HIBCH: variants seen among roughly 807,000 people sequenced by gnomAD.
HIBCH encodes 3-hydroxyisobutyryl-CoA hydrolase.
Under a neutral mutation model 58.2 loss-of-function variants are expected in HIBCH, and 50 were observed. The ratio of observed to expected loss-of-function variants is 0.86; its 90% CI spans 0.68 to 1.09. HIBCH has a LOEUF of 1.09. Ranked by LOEUF, HIBCH falls within the 50% of genes least tolerant of loss-of-function variation. The pLI, the probability that HIBCH is intolerant of heterozygous loss-of-function variation, is 0.00. For synonymous variants in HIBCH, 151 were observed against 146.9 expected (o/e 1.03, Z -0.20); for missense variants, 450 against 449.7 (o/e 1.00, Z -0.01).
intron 11 of HIBCH, among the ~76,000 whole-genome samples, chr2:190,238,503 C>T (rs537478207): frequency 6.6e-6 from 1 of 152,248 alleles, no homozygotes; most frequent in East Asian, 1.9e-4. Context: ...TTGCTCTTGT[C>T]ACCCAGGCTG....
At chr2:190,262,778 C>T (rs1022788348) in intron 6 of HIBCH, among the ~76,000 whole-genome samples, 1 of 152,160 alleles carries the variant, frequency 6.6e-6, no homozygotes, top group Admixed American at 6.5e-5. Flanking sequence ...TCTTATATTA[C>T]ATAGAGTATG....
Position 190,236,846 on chromosome 2 carries a change from C to G in HIBCH, c.891+8041G>C, listed in dbSNP as rs1235208275. ...ACTACTATTTTATGTTTCCTAAATG[C>G]CAATGGTAGCATTTAAGGGTCGCTA... is the stretch of plus-strand genomic sequence containing the variant. On this transcript the variant is annotated intron_variant, in intron 11 of 13. Transcript: ENST00000359678. The surrounding 1 kb of genome is among the most constrained non-coding windows in gnomAD (Gnocchi z 4.1). Among the ~76,000 whole-genome samples, 1 of 152,084 alleles carries G rather than the reference C, an allele frequency of 6.6e-6. No homozygotes were observed. Among genetic ancestry groups the G allele is most frequent in the Non-Finnish European group, 1.5e-5 (1 of 67,986 alleles).
intron 6 of HIBCH, among the ~76,000 whole-genome samples, chr2:190,270,999 A>C (rs977165199): frequency 1.3e-5 from 2 of 152,072 alleles, no homozygotes; most frequent in Non-Finnish European, 2.9e-5. Flanking sequence ...GAGAGAAAAT[A>C]TTTAACTTAT....
intron 6 of HIBCH, among the ~76,000 whole-genome samples, chr2:190,264,294 T>A (rs1001000947): frequency 2.6e-5 from 4 of 151,458 alleles, no homozygotes; most frequent in African/African-American, 7.3e-5. Context: ...TTTTTTTTTT[T>A]AAACTCTCTT....
chr2:190,252,455 A>C, intron 7 of HIBCH, 148 bp from the exon 8 acceptor site: 1 of 716,718 alleles, frequency 1.4e-6, no homozygotes. Flanking sequence ...ATACACTGCA[A>C]TCAATATCAC....
At chr2:190,227,030 T>A (rs74437584) in intron 11 of HIBCH, among the ~76,000 whole-genome samples, 2,310 of 152,194 alleles carry the variant, frequency 0.015, 62 homozygotes, top group African/African-American at 0.051. Context: ...TTCAATGCCA[T>A]CCCCATCAAG....
At chr2:190,220,406 G>T (rs1685683902) in intron 11 of HIBCH, 1 of 152,104 alleles carries the variant, frequency 6.6e-6, no homozygotes, top group Non-Finnish European at 1.5e-5. Flanking sequence ...CACAGCAGTT[G>T]CCAGAGCTTT....
chr2:190,241,352 T>C (rs1390061029), intron 11 of HIBCH, among the ~76,000 whole-genome samples: 1 of 152,242 alleles, frequency 6.6e-6, no homozygotes, highest in Admixed American at 6.5e-5. Context: ...TTTGAACCTA[T>C]ATGTGTCTTT....
rs190989835 is a variant in HIBCH, at chr2:190,248,401, G to C, written c.750+1239C>G. On this transcript the variant is annotated intron_variant, in intron 9 of 13. Transcript: ENST00000359678. ...TGCAGCGGTTCTGCAAGCCAACTAGGGAAAAGGGACAGAGGTCTTCCAACT... is the reference window on the plus strand; with the variant it reads ...TGCAGCGGTTCTGCAAGCCAACTAGCGAAAAGGGACAGAGGTCTTCCAACT... Among the ~76,000 whole-genome samples the C allele has an allele frequency of 4.2e-3, 643 of 152,150 alleles. 2 individuals are homozygous for C. Among genetic ancestry groups the C allele is most frequent in the African/African-American group, 0.015 (629 of 41,490 alleles).
chr2:190,244,226 T>C (rs1341829530), intron 11 of HIBCH, among the ~76,000 whole-genome samples: 1 of 152,084 alleles, frequency 6.6e-6, no homozygotes, highest in African/African-American at 2.4e-5. Context: ...TAAGGAAACA[T>C]ACCTTTTCTT....
At chr2:190,194,396 A>AAAT (rs1336394204) in intron 1 of HIBCH, among the ~76,000 whole-genome samples, 2 of 151,540 alleles carry the variant, frequency 1.3e-5, no homozygotes, top group African/African-American at 4.9e-5. Context: ...TTTTTTAAAA[A>AAAT]AATAATAGAC....
At chr2:190,228,933 A>C (rs1458691577) in intron 11 of HIBCH, among the ~76,000 whole-genome samples, 1 of 152,202 alleles carries the variant, frequency 6.6e-6, no homozygotes, top group Non-Finnish European at 1.5e-5. Context: ...CAGAATTATA[A>C]TCACTGCCCT....
chr2:190,227,388 T>A (rs1294934426), intron 11 of HIBCH, among the ~76,000 whole-genome samples: 2 of 152,144 alleles, frequency 1.3e-5, no homozygotes, highest in African/African-American at 4.8e-5. Flanking sequence ...TGAAACTGGA[T>A]CCCTTCCTTA....
intron 13 of HIBCH, among the ~76,000 whole-genome samples, chr2:190,205,470 T>A (rs1055442340): frequency 1.3e-5 from 2 of 152,320 alleles, no homozygotes; most frequent in Admixed American, 6.5e-5. Flanking sequence ...ATGTCTTAGC[T>A]TTAATAAAGC....
In HIBCH at chr2:190,313,643, CA is replaced by C. The variant is rs546101154; in HGVS notation, c.36-2848del. On this transcript the variant is annotated intron_variant, in intron 1 of 13. Coordinates refer to ENST00000359678, the MANE Select transcript of HIBCH (RefSeq NM_014362.4). ...CTGGGTGACAAGAGACTCTGTCTCACAAAAAAAAAAAAAAAAAAAAAGGAAT... is the reference window on the plus strand; with the variant it reads ...CTGGGTGACAAGAGACTCTGTCTCACAAAAAAAAAAAAAAAAAAAAGGAAT... Among the ~76,000 whole-genome samples the C allele has an allele frequency of 5.7e-3, 451 of 78,872 alleles. 1 individual carries two copies. Among genetic ancestry groups the C allele is most frequent in the Middle Eastern group, 0.034 (4 of 116 alleles). 51.7% of individuals were successfully genotyped at this position (78,872 alleles called of 152,430 possible). A position where few individuals can be genotyped will look rare whatever the true frequency, so the allele number is the denominator to read the frequency against.
At chr2:190,310,230 T>C (rs1456778070) in intron 2 of HIBCH, among the ~76,000 whole-genome samples, 1 of 152,214 alleles carries the variant, frequency 6.6e-6, no homozygotes, top group Non-Finnish European at 1.5e-5. Flanking sequence ...CTTCCTAACT[T>C]GTGAGGTTTT....
intron 6 of HIBCH, among the ~76,000 whole-genome samples, chr2:190,261,940 A>G (rs1247738245): frequency 6.6e-6 from 1 of 152,122 alleles, no homozygotes; most frequent in East Asian, 1.9e-4. Context: ...TTGGCAATGG[A>G]CCCAAGGGCA....
intron 11 of HIBCH, among the ~76,000 whole-genome samples, chr2:190,218,708 T>G (rs1197878474): frequency 6.6e-6 from 1 of 152,352 alleles, no homozygotes; most frequent in Middle Eastern, 3.4e-3. Context: ...GTAGCTGCGT[T>G]TCCCCTAAAA....
chr2:190,202,119 C>T (rs1314720414), downstream of HIBCH: 3 of 166,922 alleles, frequency 1.8e-5, no homozygotes, highest in Non-Finnish European at 4.4e-5. Flanking sequence ...CCTTCTGTGC[C>T]CTGGGCCACT....
Sources: allele counts gnomAD v4.1 joint callset (sites outside exome capture counted in the v4.1 genomes callset), GRCh38; gene constraint gnomAD v4.1.1; non-coding constraint Gnocchi (gnomAD v3.1); transcripts MANE v1.5; gene names NCBI Gene and HGNC (gene_info 2026-07-23, HGNC 2026-07-21).